CISTR: variants seen among roughly 807,000 people sequenced by gnomAD.
CISTR encodes chondrogenesis-associated transcript.
At chr12:53,753,075 C>T (rs1937875743) in intron 1 of CISTR, among the ~76,000 whole-genome samples, 1 of 123,778 alleles carries the variant, frequency 8.1e-6, no homozygotes, top group African/African-American at 2.8e-5. Flanking sequence ...CACACACACA[C>T]ACACACACAC....
At chr12:53,750,093 G>A (rs138634840) in intron 2 of CISTR, among the ~76,000 whole-genome samples, 1 of 152,120 alleles carries the variant, frequency 6.6e-6, no homozygotes, top group Non-Finnish European at 1.5e-5. Context: ...CTGGCCTTGG[G>A]GATCTTACAG....
intron 1 of CISTR, among the ~76,000 whole-genome samples, chr12:53,753,552 G>A (rs1375051322): frequency 6.6e-6 from 1 of 152,158 alleles, no homozygotes; most frequent in Non-Finnish European, 1.5e-5. Flanking sequence ...GCAGGGAGCA[G>A]CAAAACTGAA....
chr12:53,752,204 T>G (rs997644423), intron 1 of CISTR, among the ~76,000 whole-genome samples: 10 of 152,174 alleles, frequency 6.6e-5, no homozygotes, highest in Admixed American at 5.9e-4. Context: ...ACCCTCTGTC[T>G]CTTTCTGCCT....
At chr12:53,746,626 A>G (rs577928268) in exon 3 of CISTR, among the ~76,000 whole-genome samples, 1 of 152,276 alleles carries the variant, frequency 6.6e-6, no homozygotes, top group Non-Finnish European at 1.5e-5. Context: ...AAGGGATGCA[A>G]GGATTCCTGA....
chr12:53,750,894 C>G (rs1439819146), exon 2 of CISTR: 2 of 153,002 alleles, frequency 1.3e-5, no homozygotes, highest in South Asian at 4.1e-4. Flanking sequence ...CCGTCTGTCT[C>G]TCTCCCTCCA....
In CISTR at chr12:53,751,464, G is replaced by T. The variant is rs1937849458; in HGVS notation, n.415-499C>A. On this transcript the variant is annotated intron_variant and non_coding_transcript_variant, in intron 1 of 2. Transcript: ENST00000669269. This position sits in a 1 kb window ranked among gnomAD's most constrained non-coding sequence, Gnocchi z 4.6. ...TCGCCCGGCGGCCGCGAATTCATTA[G>T]TGGGGGGCGGATGTAAACGCAGCGC... 6.6e-6 allele frequency among the ~76,000 whole-genome samples: 1 copy of T among 152,044 alleles called. No homozygotes were observed.
chr12:53,754,330 A>G (rs1937891399), intron 1 of CISTR: 1 of 152,204 alleles, frequency 6.6e-6, no homozygotes, highest in Non-Finnish European at 1.5e-5. Context: ...TCCCAGGCAG[A>G]ACAGGTTGAA....
chr12:53,757,032 G>C (rs1323709471), exon 1 of CISTR: 1 of 103,266 alleles, frequency 9.7e-6, no homozygotes, highest in Non-Finnish European at 1.8e-5. Flanking sequence ...ATGAGGTGGG[G>C]GAGGGGCATG....
chr12:53,752,568 G>A (rs1937866660), intron 1 of CISTR, among the ~76,000 whole-genome samples: 1 of 152,180 alleles, frequency 6.6e-6, no homozygotes. Flanking sequence ...CTTGGCACAT[G>A]GGACTTAGTC....
intron 1 of CISTR, among the ~76,000 whole-genome samples, chr12:53,755,366 T>C (rs1014177960): frequency 1.3e-5 from 2 of 150,912 alleles, no homozygotes; most frequent in Non-Finnish European, 3.0e-5. Context: ...TTGTTGGAGA[T>C]TCTATATCAT....
At chr12:53,748,736 G>A (rs1937810515) in intron 2 of CISTR, among the ~76,000 whole-genome samples, 2 of 152,168 alleles carry the variant, frequency 1.3e-5, no homozygotes, top group Non-Finnish European at 2.9e-5. Context: ...ACCAGGGCCA[G>A]GGCCAGGGCC....
At chr12:53,752,413 G>C (rs1367870080) in intron 1 of CISTR, among the ~76,000 whole-genome samples, 1 of 152,188 alleles carries the variant, frequency 6.6e-6, no homozygotes, top group Non-Finnish European at 1.5e-5. Flanking sequence ...TCTAGGTGGC[G>C]GTGGGTCTGT....
rs1244612174 is a variant in CISTR at position 53,756,107 on chromosome 12, T to A, written n.414+707A>T. 6.6e-6 allele frequency among the ~76,000 whole-genome samples: 1 copy of A among 152,142 alleles called. No homozygotes were observed. The highest frequency in any genetic ancestry group is 1.9e-4 in the East Asian group (1 of 5,184). ...TAAAGCGCAATTTCCTGTGGCCTTT[T>A]CATTTCCTGCTGGGGGTTGTGGAGA... is the stretch of plus-strand genomic sequence containing the variant. On this transcript the variant is annotated intron_variant and non_coding_transcript_variant, in intron 1 of 2. Transcript: ENST00000669269. The surrounding 1 kb of genome is among the most constrained non-coding windows in gnomAD (Gnocchi z 4.0).
chr12:53,749,819 G>C (rs1402408900), intron 2 of CISTR, among the ~76,000 whole-genome samples: 2 of 152,186 alleles, frequency 1.3e-5, no homozygotes, highest in Non-Finnish European at 2.9e-5. Context: ...TGAGGACCCA[G>C]CTGGGGAGCA....
chr12:53,752,327 G>A (rs1593110696), intron 1 of CISTR, among the ~76,000 whole-genome samples: 2 of 152,172 alleles, frequency 1.3e-5, no homozygotes, highest in African/African-American at 4.8e-5. Context: ...AATTTGGCTC[G>A]TGTCCTTCTC....
At chr12:53,747,234 C>T (rs896616740) in intron 2 of CISTR, among the ~76,000 whole-genome samples, 2 of 152,126 alleles carry the variant, frequency 1.3e-5, no homozygotes, top group African/African-American at 4.8e-5. Context: ...CCGTCAGTGT[C>T]GGCAGGGAGA....
rs1937915540 is a variant in CISTR at position 53,756,527 on chromosome 12, G to A, written n.414+287C>T. ...CCTGCCTCAGCCTTCCAAAGTGCTG[G>A]GATCACAGACGTGAGCCACTGCACT... On this transcript the variant is annotated intron_variant and non_coding_transcript_variant, in intron 1 of 2. Coordinates refer to ENST00000669269, the Ensembl canonical transcript of CISTR. The surrounding 1 kb of genome is among the most constrained non-coding windows in gnomAD (Gnocchi z 4.0). Among the ~76,000 whole-genome samples the A allele has an allele frequency of 6.6e-6, 1 of 152,186 alleles. No homozygotes were observed. Among genetic ancestry groups the A allele is most frequent in the Non-Finnish European group, 1.5e-5 (1 of 68,036 alleles).
In CISTR at chr12:53,751,293, G is replaced by A. The variant is rs1937847315; in HGVS notation, n.415-328C>T. On this transcript the variant is annotated intron_variant and non_coding_transcript_variant, in intron 1 of 2. Transcript: ENST00000669269. The surrounding 1 kb of genome is among the most constrained non-coding windows in gnomAD (Gnocchi z 4.6). Reference sequence around the variant, plus strand: ...GGGGTTGGGGGCGCTGGGGCTCGGGGCGCTCACTCGGACCTCGGAGCCAAT... The same window carrying A: ...GGGGTTGGGGGCGCTGGGGCTCGGGACGCTCACTCGGACCTCGGAGCCAAT... Among the ~76,000 whole-genome samples the A allele has an allele frequency of 6.6e-6, 1 of 152,168 alleles. No individual in the cohort carries two copies. The highest frequency in any genetic ancestry group is 1.5e-5 in the Non-Finnish European group (1 of 68,032).
At chr12:53,747,105 T>C (rs1345537861) in intron 2 of CISTR, among the ~76,000 whole-genome samples, 1 of 152,236 alleles carries the variant, frequency 6.6e-6, no homozygotes, top group Non-Finnish European at 1.5e-5. Flanking sequence ...CAACCCTGTA[T>C]TCCTAGGGTC....
Sources: gnomAD v4.1 joint callset for allele counts (sites outside exome capture counted in the v4.1 genomes callset) on GRCh38, gnomAD v4.1.1 for gene constraint, Gnocchi (gnomAD v3.1) non-coding constraint, MANE v1.5 for transcripts, NCBI Gene and HGNC (gene_info 2026-07-23, HGNC 2026-07-21) for gene names.